The following RNPS1 variants were observed in gnomAD, a reference collection of about 807,000 sequenced individuals.
RNPS1 encodes RNA binding protein with serine rich domain 1, also known as RNA-binding protein with serine-rich domain 1.
For missense variants in RNPS1, 300 were observed against 427.6 expected, an observed-to-expected ratio of 0.70 and a Z score of 2.63; for synonymous variants, 147 against 150.0, an observed-to-expected ratio of 0.98 and a Z score of 0.15.
chr16:2,262,248 A>T, intron 6 of RNPS1, 30 bp downstream of exon 6: 1 of 1,595,436 alleles, frequency 6.3e-7, no homozygotes. Flanking sequence ...GGTCTCTGAG[A>T]GGTCAGGGTT....
At chr16:2,266,133 G>T in intron 1 of RNPS1, 1 of 985,456 alleles carries the variant, frequency 1.0e-6, no homozygotes, top group Non-Finnish European at 1.2e-6. Context: ...CAGTTGGTAA[G>T]GAGGACACAG....
At chr16:2,257,608 T>A (rs1212181334) in intron 6 of RNPS1, 1 of 151,254 alleles carries the variant, frequency 6.6e-6, no homozygotes, top group Admixed American at 6.6e-5. Flanking sequence ...GGTACCCGGG[T>A]CCCCTGGGTT....
intron 7 of RNPS1, 65 bp from the exon 8 acceptor site, chr16:2,254,128 G>T: frequency 8.6e-7 from 1 of 1,168,438 alleles, no homozygotes; most frequent in Admixed American, 3.3e-5. Flanking sequence ...GCTTCTTTCT[G>T]GGCAATTCCC....
intron 1 of RNPS1, chr16:2,267,049 A>T: frequency 2.1e-6 from 1 of 475,794 alleles, no homozygotes; most frequent in Non-Finnish European, 2.7e-6. Flanking sequence ...GCCCGAATGT[A>T]CTTGGTGAAA....
intron 1 of RNPS1, chr16:2,266,346 C>G (rs1032704750): frequency 3.0e-6 from 3 of 985,136 alleles, no homozygotes; most frequent in African/African-American, 1.7e-5. Context: ...TCTGCAGACA[C>G]CCAGCAGATA....
chr16:2,267,894 C>A, intron 1 of RNPS1, 161 bp downstream of exon 1: 1 of 1,527,034 alleles, frequency 6.5e-7, no homozygotes, highest in Admixed American at 2.0e-5. Flanking sequence ...TCCCACTCCG[C>A]CCGCCCCGGG....
chr16:2,262,576 C>G lies in RNPS1; in HGVS notation c.523-145G>C, dbSNP rs1596810413. On this transcript the variant is annotated intron_variant, in intron 5 of 7. Transcript: ENST00000320225. ...CAGTGTTGTTCTGGGATAAATCTCCCAGACACATGTATTAATGGTCCACCA... is the reference window on the plus strand; with the variant it reads ...CAGTGTTGTTCTGGGATAAATCTCCGAGACACATGTATTAATGGTCCACCA... The G allele has an allele frequency of 5.8e-6, 6 of 1,033,872 alleles. No homozygotes were observed. The East Asian group carries it at 1.2e-4, about 21-fold the overall frequency. 64.0% of individuals were successfully genotyped at this position (1,033,872 alleles called of 1,614,324 possible). A position where few individuals can be genotyped will look rare whatever the true frequency, so the allele number is the denominator to read the frequency against.
In RNPS1 at chr16:2,253,626, G is replaced by A. The variant is rs896752466; in HGVS notation, c.*338C>T. On this transcript the variant is annotated 3_prime_UTR_variant, in exon 8 of 8. Transcript: ENST00000320225. ...GGCCTGGCCACCATCCCAGGTCATC[G>A]GGGAAGGGAAAAGTGTGCTCCCAGG... 4.6e-5 allele frequency: 20 copies of A among 437,342 alleles called. No homozygotes were observed. Among genetic ancestry groups the A allele is most frequent in the Middle Eastern group, 4.5e-4 (1 of 2,208 alleles). 27.1% of individuals were successfully genotyped at this position (437,342 alleles called of 1,614,324 possible). A position where few individuals can be genotyped will look rare whatever the true frequency, so the allele number is the denominator to read the frequency against.
In RNPS1 at chr16:2,268,090, C is replaced by G. The variant is rs576824523; in HGVS notation, c.-153G>C. 6.5e-7 allele frequency: 1 copy of G among 1,535,494 alleles called. No individual in the cohort carries two copies. The highest frequency in any genetic ancestry group is 8.7e-7 in the Non-Finnish European group (1 of 1,146,644). On this transcript the variant is annotated 5_prime_UTR_variant, in exon 1 of 8. Coordinates refer to ENST00000320225, the MANE Select transcript of RNPS1 (RefSeq NM_080594.4). ...CGCCGCCACCTCCTCCTGCTTTCCT[C>G]AGCCGCCGAGGCCGGCGCCGCTCTG...
rs561395370 is a variant in RNPS1 at position 2,255,812 on chromosome 16, G to A, written c.677-86C>T. 33 of 1,394,856 alleles carry A rather than the reference G, an allele frequency of 2.4e-5. No individual in the cohort carries two copies. The African/African-American group carries it at 3.6e-4, about 15-fold the overall frequency. The allele number at this position is 1,394,856 out of a possible 1,614,324, so 86.4% of individuals were successfully genotyped here. On this transcript the variant is annotated intron_variant, in intron 6 of 7. Transcript: ENST00000320225. The stretch of plus-strand genomic sequence containing the variant: ...GCCACAGTGAAAGACAGGCCTGGGG[G>A]GACAATGACAATGTAAGATAATCAC...
intron 3 of RNPS1, 128 bp from the exon 4 acceptor site, chr16:2,263,415 C>A: frequency 8.3e-6 from 7 of 846,204 alleles, no homozygotes; most frequent in Non-Finnish European, 1.1e-5. Context: ...TCACTGCTTT[C>A]AGCAGTGGGG....
At chr16:2,260,548 A>T (rs1165624332) in intron 6 of RNPS1, among the ~76,000 whole-genome samples, 3 of 152,196 alleles carry the variant, frequency 2.0e-5, no homozygotes, top group Non-Finnish European at 2.9e-5. Context: ...CAGGGTTTCT[A>T]ATCTGAGGGA....
chr16:2,266,285 C>CT (rs1183473347), intron 1 of RNPS1: 1 of 985,350 alleles, frequency 1.0e-6, no homozygotes, highest in Non-Finnish European at 1.2e-6. Context: ...CGAACGCCAC[C>CT]TTTGCTGCTC....
At position 2,253,508 on chromosome 16, in the gene RNPS1, T is replaced by G; in HGVS notation, c.*456A>C. 1 of 271,216 alleles carries G rather than the reference T, an allele frequency of 3.7e-6. No individual in the cohort carries two copies. Among genetic ancestry groups the G allele is most frequent in the South Asian group, 3.4e-5 (1 of 29,588 alleles). 16.8% of individuals were successfully genotyped at this position (271,216 alleles called of 1,614,324 possible). ...GTGACCCTTGAGGTCAGAAGAGGCC[T>G]CGAGAGGCCAGGCCTAACAGGGTTG... On this transcript the variant is annotated 3_prime_UTR_variant, in exon 8 of 8. Coordinates refer to ENST00000320225, the MANE Select transcript of RNPS1 (RefSeq NM_080594.4).
intron 7 of RNPS1, among the ~76,000 whole-genome samples, 186 bp from the exon 8 acceptor site, chr16:2,254,249 C>T (rs1427281280): frequency 6.6e-6 from 1 of 152,252 alleles, no homozygotes; most frequent in African/African-American, 2.4e-5. Context: ...GATTCTCCTG[C>T]CTCAGCCTCC....
At chr16:2,259,003 A>C (rs1225614895) in intron 6 of RNPS1, among the ~76,000 whole-genome samples, 1 of 151,496 alleles carries the variant, frequency 6.6e-6, no homozygotes, top group Admixed American at 6.6e-5. Flanking sequence ...GTTGCCTGTA[A>C]TCCCAGCTAC....
chr16:2,257,220 G>A (rs1383497273), intron 6 of RNPS1: 2 of 152,218 alleles, frequency 1.3e-5, no homozygotes, highest in Admixed American at 6.5e-5. Flanking sequence ...TTGTCTGGTA[G>A]CTGGGGATAC....
At position 2,262,858 on chromosome 16, in the gene RNPS1, A is replaced by G; in HGVS notation, c.420-16T>C. On this transcript the variant is annotated splice_polypyrimidine_tract_variant and intron_variant, in intron 4 of 7. Coordinates refer to ENST00000320225, the MANE Select transcript of RNPS1 (RefSeq NM_080594.4). The stretch of plus-strand genomic sequence containing the variant: ...TGGTTTGGATCTGATTGAGAAAACA[A>G]AACACCAGAAACAATTTCTGTCAAG... 2 of 1,600,002 alleles carry G rather than the reference A, an allele frequency of 1.3e-6. No homozygotes were observed. Among genetic ancestry groups the G allele is most frequent in the Non-Finnish European group, 1.7e-6 (2 of 1,168,318 alleles).
Position 2,262,807 on chromosome 16 carries a change from T to C in RNPS1, c.455A>G (p.Lys152Arg). Residue 152 changes from lysine to arginine, a missense_variant, in exon 5 of 8, where the codon AAA (lysine) becomes AGA (arginine). Physicochemically the swap from Lys to Arg is conservative, Grantham distance 26. Coordinates refer to ENST00000320225, the MANE Select transcript of RNPS1 (RefSeq NM_080594.4). ...KPPKRDEKER[K>R]RRSPSPKPTK... is the part of the protein sequence containing the mutation. The stretch of plus-strand genomic sequence containing the variant: ...GGGCTTAGGAGATGGGCTCCGCCTT[T>C]TCCTCTCCTTTTCATCTCTTTTAGG... 1 of 1,614,044 alleles carries C rather than the reference T, an allele frequency of 6.2e-7. No homozygotes were observed. Among genetic ancestry groups the C allele is most frequent in the Non-Finnish European group, 8.5e-7 (1 of 1,180,008 alleles).
Sources: allele counts gnomAD v4.1 joint callset (sites outside exome capture counted in the v4.1 genomes callset), GRCh38; gene constraint gnomAD v4.1.1; transcripts MANE v1.5; gene names NCBI Gene and HGNC (gene_info 2026-07-23, HGNC 2026-07-21).